The following KLHL7 variants were observed in gnomAD, a reference collection of about 807,000 sequenced individuals.
The protein encoded by KLHL7 is kelch-like protein 7.
A neutral mutation model predicts 67.4 loss-of-function variants in KLHL7; 44 were observed. The ratio of observed to expected loss-of-function variants is 0.65; its 90% confidence interval spans 0.51 to 0.84. The LOEUF is 0.84. Ranked by LOEUF, KLHL7 falls within the 40% of genes least tolerant of loss-of-function variation. The probability of loss-of-function intolerance (pLI) is 0.00; values close to 1 mark genes in which losing one functional copy is unlikely to be tolerated. For missense variants in KLHL7, 362 were observed against 718.1 expected, an observed-to-expected ratio of 0.50 and a Z score of 5.67; for synonymous variants, 252 against 243.3, an observed-to-expected ratio of 1.04 and a Z score of -0.33.
chr7:23,117,814 A>G lies in KLHL7; in HGVS notation c.121-5963A>G, dbSNP rs556908140. On this transcript the variant is annotated intron_variant, in intron 1 of 10. Coordinates refer to ENST00000339077, the MANE Select transcript of KLHL7 (RefSeq NM_001031710.3). ...ATTTACCCCATCTAATAAGGGCCTCATTTCCCTTTATGTTTTCAGTGATTT... is the reference window on the plus strand; with the variant it reads ...ATTTACCCCATCTAATAAGGGCCTCGTTTCCCTTTATGTTTTCAGTGATTT... 46 of 1,589,464 alleles carry G rather than the reference A, an allele frequency of 2.9e-5. 1 individual carries two copies. The South Asian group carries it at 4.5e-4, about 16-fold the overall frequency.
rs776121211 is a variant in KLHL7 at position 23,105,825 on chromosome 7, C to A, written c.-202C>A. The A allele has an allele frequency of 1.4e-6, 1 of 724,052 alleles. No individual in the cohort carries two copies. Among genetic ancestry groups the A allele is most frequent in the Non-Finnish European group, 2.3e-6 (1 of 434,778 alleles). 44.9% of individuals were successfully genotyped at this position (724,052 alleles called of 1,614,324 possible). A position where few individuals can be genotyped will look rare whatever the true frequency, so the allele number is the denominator to read the frequency against. On this transcript the variant is annotated 5_prime_UTR_variant, in exon 1 of 11. Coordinates refer to ENST00000339077, the MANE Select transcript of KLHL7 (RefSeq NM_001031710.3). ...ACGCAGCCCAGTTGGTAGCGTCGCTCCCTGAGCGTTTCTAAGGGGGCCGCC... is the reference window on the plus strand; with the variant it reads ...ACGCAGCCCAGTTGGTAGCGTCGCTACCTGAGCGTTTCTAAGGGGGCCGCC...
chr7:23,168,360 A>AG (rs144100650), intron 9 of KLHL7, among the ~76,000 whole-genome samples: 1 of 152,128 alleles, frequency 6.6e-6, no homozygotes, highest in Non-Finnish European at 1.5e-5. Flanking sequence ...GTAGAGGAGG[A>AG]GGGGGGAGTT....
Position 23,148,395 on chromosome 7 carries a change from T to TAAA in KLHL7, c.794-3659_794-3657dup, listed in dbSNP as rs74274528. On this transcript the variant is annotated intron_variant, in intron 6 of 10. Coordinates refer to ENST00000339077, the MANE Select transcript of KLHL7 (RefSeq NM_001031710.3). ...CTATATTTAAGGGGTACAAGAAAAT[T>TAAA]AAAAAAAAAAAAAAACAGCAGCCCC... 3.5e-3 allele frequency among the ~76,000 whole-genome samples: 343 copies of TAAA among 99,060 alleles called. 1 individual carries two copies. Among genetic ancestry groups the TAAA allele is most frequent in the African/African-American group, 0.018 (323 of 18,190 alleles). 65.0% of individuals were successfully genotyped at this position (99,060 alleles called of 152,430 possible).
At chr7:23,149,164 G>A (rs1200816536) in intron 6 of KLHL7, among the ~76,000 whole-genome samples, 1 of 152,152 alleles carries the variant, frequency 6.6e-6, no homozygotes, top group African/African-American at 2.4e-5. Flanking sequence ...CAAAGGGCCA[G>A]GCCAACTTCT....
At chr7:23,126,687 C>A (rs909147825) in intron 4 of KLHL7, among the ~76,000 whole-genome samples, 1 of 152,144 alleles carries the variant, frequency 6.6e-6, no homozygotes, top group Admixed American at 6.5e-5. Context: ...TGCATACCCC[C>A]TCACTGTGAG....
At chr7:23,137,018 C>T (rs1784002166) in intron 4 of KLHL7, among the ~76,000 whole-genome samples, 1 of 152,200 alleles carries the variant, frequency 6.6e-6, no homozygotes. Flanking sequence ...GGTGCAGTGT[C>T]TCACACCTGT....
chr7:23,168,134 G>T, intron 9 of KLHL7, 97 bp downstream of exon 9: 1 of 1,164,172 alleles, frequency 8.6e-7, no homozygotes, highest in South Asian at 1.3e-5. Flanking sequence ...GAAGAATTTT[G>T]TCCTTGAGTG....
chr7:23,110,605 GT>G (rs59132202), intron 1 of KLHL7, among the ~76,000 whole-genome samples: 19 of 145,950 alleles, frequency 1.3e-4, no homozygotes, highest in African/African-American at 2.3e-4. Flanking sequence ...ATTTTCTTTT[GT>G]TTTTTTTTTA....
chr7:23,112,379 G>A (rs1048485467), intron 1 of KLHL7, among the ~76,000 whole-genome samples: 3 of 152,204 alleles, frequency 2.0e-5, no homozygotes, highest in Admixed American at 1.3e-4. Flanking sequence ...TGACAGGTCT[G>A]GAAAGTTGTG....
At chr7:23,129,001 T>G (rs1783692187) in intron 4 of KLHL7, among the ~76,000 whole-genome samples, 1 of 152,200 alleles carries the variant, frequency 6.6e-6, no homozygotes, top group South Asian at 2.1e-4. Context: ...GGTGAATGTT[T>G]GAATTGTTTC....
chr7:23,146,635 T>C (rs982731088), intron 6 of KLHL7, among the ~76,000 whole-genome samples: 2 of 150,736 alleles, frequency 1.3e-5, no homozygotes, highest in Non-Finnish European at 2.9e-5. Flanking sequence ...CATTTATCAC[T>C]TATAGAGTTC....
At chr7:23,135,932 C>T (rs761699085) in intron 4 of KLHL7, among the ~76,000 whole-genome samples, 3 of 152,206 alleles carry the variant, frequency 2.0e-5, no homozygotes, top group Non-Finnish European at 4.4e-5. Flanking sequence ...TCCCATCTCC[C>T]TTGTAATCTG....
rs1285550165 is a variant in KLHL7, at chr7:23,156,911, A to G, written c.936+4702A>G. On this transcript the variant is annotated intron_variant, in intron 7 of 10. Coordinates refer to ENST00000339077, the MANE Select transcript of KLHL7 (RefSeq NM_001031710.3). ...TTTATAAGACTGGATCTAAATATAG[A>G]AGGCTCTAAATAAAAGAAGAGAAAA... 3.6e-5 allele frequency among the ~76,000 whole-genome samples: 3 copies of G among 82,378 alleles called. No individual in the cohort carries two copies. The East Asian group carries it at 1.2e-3, about 32-fold the overall frequency. The allele number at this position is 82,378 out of a possible 152,430, so 54.0% of individuals were successfully genotyped here. A position where few individuals can be genotyped will look rare whatever the true frequency, so the allele number is the denominator to read the frequency against.
chr7:23,172,889 T>C lies in KLHL7; in HGVS notation c.1380-59T>C. ...TAATTAGAATAATAGACCTTTCTCA[T>C]TAGTATGAGTTCTTTTACTTCCTGT... On this transcript the variant is annotated intron_variant, in intron 9 of 10. Coordinates refer to ENST00000339077, the MANE Select transcript of KLHL7 (RefSeq NM_001031710.3). The C allele has an allele frequency of 2.5e-6, 3 of 1,184,578 alleles. No individual in the cohort carries two copies. The South Asian group carries it at 3.6e-5, about 14-fold the overall frequency. The allele number at this position is 1,184,578 out of a possible 1,614,324, so 73.4% of individuals were successfully genotyped here.
At chr7:23,109,730 C>T (rs1211749649) in intron 1 of KLHL7, among the ~76,000 whole-genome samples, 2 of 152,138 alleles carry the variant, frequency 1.3e-5, no homozygotes, top group African/African-American at 4.8e-5. Context: ...AGTGTTAAAC[C>T]CTTGATATTA....
intron 4 of KLHL7, among the ~76,000 whole-genome samples, chr7:23,139,277 T>G (rs927697785): frequency 3.9e-5 from 6 of 152,158 alleles, no homozygotes; most frequent in African/African-American, 1.4e-4. Context: ...CAGCTAGGAT[T>G]TACTTTAAAA....
At chr7:23,131,679 AAGTATTGACTAT>A (rs1282729531) in intron 4 of KLHL7, among the ~76,000 whole-genome samples, 1 of 151,960 alleles carries the variant, frequency 6.6e-6, no homozygotes, top group Non-Finnish European at 1.5e-5. Context: ...GTGTACAATT[AAGTATTGACTAT>A]AGTCACCCTG....
At chr7:23,107,693 T>C (rs566840764) in intron 1 of KLHL7, among the ~76,000 whole-genome samples, 18 of 152,278 alleles carry the variant, frequency 1.2e-4, no homozygotes, top group African/African-American at 4.3e-4. Flanking sequence ...AGGGTTCTGT[T>C]ACTGAGTAGG....
Position 23,124,685 on chromosome 7 carries a change from T to C in KLHL7, c.224-3T>C, listed in dbSNP as rs770757386. The C allele has an allele frequency of 5.7e-6, 9 of 1,583,786 alleles. No homozygotes were observed. The highest frequency in any genetic ancestry group is 6.9e-6 in the Non-Finnish European group (8 of 1,152,302). ...CCATTTATGTTTCTTCTCTTCATTG[T>C]AGCTAACATGCTTGAATCAAAGTCC... On this transcript the variant is annotated splice_region_variant and splice_polypyrimidine_tract_variant and intron_variant, in intron 2 of 10. Coordinates refer to ENST00000339077, the MANE Select transcript of KLHL7 (RefSeq NM_001031710.3).
Sources: allele counts gnomAD v4.1 joint callset (sites outside exome capture counted in the v4.1 genomes callset), GRCh38; gene constraint gnomAD v4.1.1; transcripts MANE v1.5; gene names NCBI Gene and HGNC (gene_info 2026-07-23, HGNC 2026-07-21).